GRIK4: variants seen among roughly 807,000 people sequenced by gnomAD.
GRIK4 encodes the protein glutamate ionotropic receptor kainate type subunit 4.
Under a neutral mutation model 104.9 loss-of-function variants are expected in GRIK4, and 40 were observed. The ratio of observed to expected loss-of-function variants is 0.38; its 90% CI spans 0.30 to 0.50. The LOEUF is 0.50. Ranked by LOEUF, GRIK4 falls within the 20% of genes least tolerant of loss-of-function variation. The pLI is 0.93. For missense variants in GRIK4, 1,047 were observed against 1,308.1 expected, an observed-to-expected ratio of 0.80 and a Z score of 3.08; for synonymous variants, 485 against 524.9, an observed-to-expected ratio of 0.92 and a Z score of 1.04.
At chr11:120,771,739 C>T (rs1951946118) in intron 3 of GRIK4, among the ~76,000 whole-genome samples, 2 of 152,210 alleles carry the variant, frequency 1.3e-5, no homozygotes, top group African/African-American at 4.8e-5. Flanking sequence ...ATCATCAGCA[C>T]TTATCTCCAT....
intron 11 of GRIK4, among the ~76,000 whole-genome samples, chr11:120,877,053 C>T (rs11602668): frequency 0.022 from 3,411 of 152,256 alleles, 118 homozygotes; most frequent in African/African-American, 0.077. Flanking sequence ...TCTTGGAAGA[C>T]GAGGCAGTAA....
At chr11:120,806,545 A>T (rs1272524262) in intron 4 of GRIK4, among the ~76,000 whole-genome samples, 1 of 152,088 alleles carries the variant, frequency 6.6e-6, no homozygotes, top group Admixed American at 6.5e-5. Context: ...GTGGCCAGGG[A>T]CTCTGCTTCA....
chr11:120,685,687 C>T (rs1950264517), intron 3 of GRIK4, among the ~76,000 whole-genome samples: 1 of 152,146 alleles, frequency 6.6e-6, no homozygotes, highest in African/African-American at 2.4e-5. Context: ...TTTTCTTGGT[C>T]TTCCTCATCT....
At position 120,831,930 on chromosome 11, in the gene GRIK4, C is replaced by G; in HGVS notation, c.590C>G (p.Thr197Ser). ...CTGTCCGTCCGCATGCTGGATGACA[C>G]CCGGGACCCCACCCCGCTCCTCAAG... is the stretch of plus-strand genomic sequence containing the variant. ...DTLSVRMLDD[T>S]RDPTPLLKEI... is the part of the protein sequence containing the mutation. The change falls in exon 7 of 21, where the codon ACC becomes AGC. Residue 197 changes from threonine to serine, a missense_variant. Thr to Ser is a moderately conservative substitution (Grantham distance 58). This residue lies in a region of GRIK4 where 447 missense variants were observed against 514.9 expected (regional missense o/e 0.87). Transcript: ENST00000527524. 1.2e-6 allele frequency: 2 copies of G among 1,613,904 alleles called. No homozygotes were observed. Among genetic ancestry groups the G allele is most frequent in the Non-Finnish European group, 1.7e-6 (2 of 1,179,848 alleles).
chr11:120,969,769 G>A (rs1944444124), intron 19 of GRIK4, among the ~76,000 whole-genome samples: 1 of 152,202 alleles, frequency 6.6e-6, no homozygotes, highest in Non-Finnish European at 1.5e-5. Context: ...TGGAAATGGA[G>A]AGGTGAACCT....
At chr11:120,699,699 G>A (rs1040575056) in intron 3 of GRIK4, among the ~76,000 whole-genome samples, 1 of 152,170 alleles carries the variant, frequency 6.6e-6, no homozygotes, top group Non-Finnish European at 1.5e-5. Context: ...ACCTCTCTGA[G>A]AAAGTGACAT....
At chr11:120,795,656 G>C (rs200547529) in intron 3 of GRIK4, among the ~76,000 whole-genome samples, 1 of 152,238 alleles carries the variant, frequency 6.6e-6, no homozygotes, top group Admixed American at 6.5e-5. Flanking sequence ...AAAGTGGCTT[G>C]TGTCTAATGA....
intron 13 of GRIK4, among the ~76,000 whole-genome samples, chr11:120,922,998 T>A (rs17124555): frequency 0.021 from 3,228 of 152,230 alleles, 137 homozygotes; most frequent in African/African-American, 0.073. Context: ...GCCAGACAGA[T>A]CCCTATCCAG....
In GRIK4 at chr11:120,564,320, A is replaced by G. The variant is rs560533208; in HGVS notation, c.-159+52433A>G. ...ATTGCAAGCGGCGCCACCGGATTCC[A>G]TTTGTAAACTTATTAGTGTGCGCTC... On this transcript the variant is annotated intron_variant, in intron 1 of 20. Coordinates refer to ENST00000527524, the MANE Select transcript of GRIK4 (RefSeq NM_014619.5). 8.5e-5 allele frequency: 13 copies of G among 152,248 alleles called. No homozygotes were observed. The East Asian group carries it at 2.5e-3, about 29-fold the overall frequency. 9.4% of individuals were successfully genotyped at this position (152,248 alleles called of 1,614,324 possible).
At chr11:120,824,917 TTTTGTTTG>T (rs368681794) in intron 6 of GRIK4, among the ~76,000 whole-genome samples, 1 of 151,830 alleles carries the variant, frequency 6.6e-6, no homozygotes, top group African/African-American at 2.4e-5. Context: ...GTTTGCTTGT[TTTTGTTTG>T]TTTGTTTGTT....
intron 1 of GRIK4, among the ~76,000 whole-genome samples, chr11:120,644,502 C>T (rs1949516622): frequency 6.6e-6 from 1 of 152,180 alleles, no homozygotes; most frequent in Non-Finnish European, 1.5e-5. Context: ...GTCTTGGTCA[C>T]AGTAAGTGAG....
intron 3 of GRIK4, among the ~76,000 whole-genome samples, chr11:120,789,310 A>G (rs1952350335): frequency 1.3e-5 from 2 of 152,056 alleles, no homozygotes; most frequent in African/African-American, 2.4e-5. Flanking sequence ...CTTCCTCTCT[A>G]TCCCCCTGTA....
chr11:120,935,393 A>C (rs1437688052), intron 13 of GRIK4, among the ~76,000 whole-genome samples: 1 of 152,124 alleles, frequency 6.6e-6, no homozygotes, highest in Non-Finnish European at 1.5e-5. Flanking sequence ...TCTACTAAAA[A>C]TACAAAATTA....
intron 3 of GRIK4, among the ~76,000 whole-genome samples, chr11:120,801,347 T>G (rs1952618090): frequency 6.6e-6 from 1 of 152,146 alleles, no homozygotes. Flanking sequence ...TACCTCAGCC[T>G]CCCGAGTAGC....
intron 3 of GRIK4, among the ~76,000 whole-genome samples, chr11:120,683,912 C>T (rs997347938): frequency 5.3e-5 from 8 of 152,210 alleles, no homozygotes; most frequent in African/African-American, 9.6e-5. Flanking sequence ...GGCTAGAAAA[C>T]GTTATCCCTA....
intron 3 of GRIK4, among the ~76,000 whole-genome samples, chr11:120,796,036 T>A (rs747088802): frequency 2.6e-4 from 1 of 3,882 alleles, no homozygotes. Context: ...TTTTCCTGAA[T>A]TTTTTTTTTT....
intron 11 of GRIK4, among the ~76,000 whole-genome samples, chr11:120,880,436 TA>T (rs1419035655): frequency 1.3e-5 from 2 of 152,252 alleles, no homozygotes; most frequent in African/African-American, 2.4e-5. Flanking sequence ...AGAAGTCATG[TA>T]TCTACATTCA....
intron 3 of GRIK4, among the ~76,000 whole-genome samples, chr11:120,749,028 C>T (rs535791942): frequency 1.3e-5 from 2 of 152,342 alleles, no homozygotes; most frequent in East Asian, 3.9e-4. Context: ...CTACTATCTC[C>T]TCCTCCTGCT....
At chr11:120,581,437 T>C (rs1328220537) in intron 1 of GRIK4, among the ~76,000 whole-genome samples, 1 of 152,232 alleles carries the variant, frequency 6.6e-6, no homozygotes, top group Non-Finnish European at 1.5e-5. Context: ...ATAAAATTTA[T>C]TATCTCAACC....
Sources: gnomAD v4.1 joint callset for allele counts (sites outside exome capture counted in the v4.1 genomes callset) on GRCh38, gnomAD v4.1.1 for gene constraint, gnomAD v4.1.1 regional missense constraint, MANE v1.5 for transcripts, NCBI Gene and HGNC (gene_info 2026-07-23, HGNC 2026-07-21) for gene names.